PSD3: variants seen among roughly 807,000 people sequenced by gnomAD.
PSD3 encodes pleckstrin and Sec7 domain containing 3, also known as PH and SEC7 domain-containing protein 3.
PSD3 carries 49 observed loss-of-function variants against 105.5 expected under a neutral mutation model. The observed-to-expected ratio is 0.46, with a 90% CI of 0.37 to 0.59. The LOEUF (loss-of-function observed/expected upper bound fraction) is 0.59, where lower values mean the gene tolerates loss of function less well. PSD3 is among the 20% of genes least tolerant of loss of function. The pLI is 0.00. For missense variants in PSD3, 1,561 were observed against 1,263.8 expected (o/e 1.24, Z -3.57); for synonymous variants, 557 against 457.8 (o/e 1.22, Z -2.77).
In PSD3 at chr8:18,913,114, CACACACACACT is replaced by C. The variant is rs1820356865; in HGVS notation, c.130+22909_130+22919del. On this transcript the variant is annotated intron_variant, in intron 2 of 15. Coordinates refer to ENST00000327040, the MANE Select transcript of PSD3 (RefSeq NM_015310.4). ...ACACACACACACACACACACACACA[CACACACACACT>C]CTCCTTCTCCTATTTCAATGCATTC... Among the ~76,000 whole-genome samples, 15 of 150,410 alleles carry C rather than the reference CACACACACACT, an allele frequency of 1.0e-4. 1 individual carries two copies. The South Asian group carries it at 1.7e-3, about 17-fold the overall frequency.
intron 2 of PSD3, among the ~76,000 whole-genome samples, chr8:18,895,879 C>T (rs999641484): frequency 1.3e-5 from 2 of 152,190 alleles, no homozygotes; most frequent in African/African-American, 4.8e-5. Context: ...CCCAGTCCTG[C>T]TATAGAATAC....
intron 10 of PSD3, among the ~76,000 whole-genome samples, chr8:18,640,420 G>A (rs1238991261): frequency 6.6e-6 from 1 of 152,104 alleles, no homozygotes; most frequent in East Asian, 1.9e-4. Context: ...CATGTGTCAT[G>A]GGAGGGACCA....
At chr8:18,560,612 A>T (rs975277557) in intron 14 of PSD3, among the ~76,000 whole-genome samples, 1 of 152,194 alleles carries the variant, frequency 6.6e-6, no homozygotes, top group Admixed American at 6.5e-5. Flanking sequence ...ATATGTCAAT[A>T]GATTTAAATC....
intron 9 of PSD3, among the ~76,000 whole-genome samples, chr8:18,713,846 A>C (rs1802404291): frequency 6.6e-6 from 1 of 152,234 alleles, no homozygotes; most frequent in African/African-American, 2.4e-5. Flanking sequence ...AAAAAGAACA[A>C]ACCTGGAGAA....
At chr8:18,776,673 G>C in intron 8 of PSD3, among the ~76,000 whole-genome samples, 1 of 152,134 alleles carries the variant, frequency 6.6e-6, no homozygotes, top group Admixed American at 6.5e-5. Context: ...ACCGCATCTG[G>C]CCTGGTTCTT....
intron 12 of PSD3, among the ~76,000 whole-genome samples, chr8:18,596,954 C>T (rs1272581055): frequency 6.6e-6 from 1 of 152,126 alleles, no homozygotes; most frequent in Non-Finnish European, 1.5e-5. Context: ...GGAGGGAACA[C>T]TTCCAAACTC....
intron 1 of PSD3, among the ~76,000 whole-genome samples, chr8:19,045,756 G>T (rs537894917): frequency 3.9e-5 from 6 of 152,302 alleles, no homozygotes; most frequent in African/African-American, 1.4e-4. Context: ...TGTTGGGAGG[G>T]TGGAGAAGAT....
At chr8:18,958,251 T>G (rs563794038) in intron 1 of PSD3, among the ~76,000 whole-genome samples, 11 of 152,238 alleles carry the variant, frequency 7.2e-5, no homozygotes, top group African/African-American at 2.7e-4. Context: ...TAATGTATCA[T>G]CTACATAATT....
chr8:18,828,067 A>ATATATATATATATATATATT (rs371473289), intron 4 of PSD3, among the ~76,000 whole-genome samples: 1 of 118,880 alleles, frequency 8.4e-6, no homozygotes, highest in African/African-American at 3.5e-5. Flanking sequence ...ATATATATAT[A>ATATATATATATATATATATT]TTTTTTTTTT....
intron 9 of PSD3, chr8:18,730,255 A>G (rs1012191931): frequency 2.6e-5 from 4 of 152,338 alleles, no homozygotes; most frequent in African/African-American, 7.2e-5. Context: ...CCTTCTAGGT[A>G]TGAAGGTACC....
At chr8:19,047,655 T>G (rs1176601019) in intron 1 of PSD3, among the ~76,000 whole-genome samples, 1 of 152,194 alleles carries the variant, frequency 6.6e-6, no homozygotes, top group Non-Finnish European at 1.5e-5. Flanking sequence ...TGTTAATTGC[T>G]GTTCTGCCAC....
chr8:18,978,919 C>T (rs994717270), intron 1 of PSD3, among the ~76,000 whole-genome samples: 1 of 152,068 alleles, frequency 6.6e-6, no homozygotes, highest in African/African-American at 2.4e-5. Flanking sequence ...GAAGCCACAA[C>T]CACAGAAGAG....
chr8:18,899,695 C>A (rs967274187), intron 2 of PSD3, among the ~76,000 whole-genome samples: 1 of 152,024 alleles, frequency 6.6e-6, no homozygotes, highest in Non-Finnish European at 1.5e-5. Context: ...AAGGCAGTCC[C>A]TTACTGGCAA....
At chr8:18,549,068 G>T (rs897612451) in intron 15 of PSD3, among the ~76,000 whole-genome samples, 1 of 152,036 alleles carries the variant, frequency 6.6e-6, no homozygotes, top group African/African-American at 2.4e-5. Context: ...GAAATCACAG[G>T]TCATGGTTGC....
intron 1 of PSD3, among the ~76,000 whole-genome samples, chr8:19,074,611 A>ATTTTTTT (rs1206111403): frequency 8.3e-5 from 2 of 24,222 alleles, no homozygotes; most frequent in African/African-American, 3.2e-4. Context: ...ATATATATAT[A>ATTTTTTT]TTTTTTTTTT....
intron 12 of PSD3, among the ~76,000 whole-genome samples, chr8:18,591,782 T>C (rs1234451583): frequency 6.6e-6 from 1 of 152,152 alleles, no homozygotes; most frequent in Non-Finnish European, 1.5e-5. Flanking sequence ...TGGCATACAC[T>C]TGGTGGCTGC....
intron 15 of PSD3, among the ~76,000 whole-genome samples, chr8:18,542,791 T>C (rs1800226138): frequency 1.3e-5 from 2 of 152,204 alleles, no homozygotes; most frequent in Non-Finnish European, 2.9e-5. Flanking sequence ...CTTTCAGGTA[T>C]GTGTCTTTCA....
chr8:18,618,271 A>G (rs1805844413), intron 11 of PSD3, among the ~76,000 whole-genome samples: 1 of 143,342 alleles, frequency 7.0e-6, no homozygotes, highest in Non-Finnish European at 1.6e-5. Context: ...TGCATGCCTT[A>G]TATGTGTTGA....
intron 10 of PSD3, among the ~76,000 whole-genome samples, chr8:18,639,408 C>T (rs1434473821): frequency 1.3e-5 from 2 of 152,104 alleles, no homozygotes; most frequent in African/African-American, 4.8e-5. Flanking sequence ...CACCATTGTG[C>T]CCCATTTCCC....
Sources: allele counts gnomAD v4.1 joint callset (sites outside exome capture counted in the v4.1 genomes callset), GRCh38; gene constraint gnomAD v4.1.1; transcripts MANE v1.5; gene names NCBI Gene and HGNC (gene_info 2026-07-23, HGNC 2026-07-21).